STS: variants seen among roughly 807,000 people sequenced by gnomAD.
STS encodes the protein steryl-sulfatase.
In STS, 7 loss-of-function variants were observed where a neutral mutation model predicts 26.8. The ratio of observed to expected loss-of-function variants is 0.26; its 90% CI spans 0.15 to 0.49. The LOEUF is 0.49. STS is among the 20% of genes least tolerant of loss of function. The pLI is 0.98. For missense variants in STS, 434 were observed against 465.6 expected, an observed-to-expected ratio of 0.93 and a Z score of 0.63; for synonymous variants, 199 against 189.4, an observed-to-expected ratio of 1.05 and a Z score of -0.42.
rs753872705 is a variant in STS at position 7,329,895 on chromosome X, ATTG to A, written c.1242-4070_1242-4068del. ...GGTAGTCCGGAGGAACACAGGAAAG[ATTG>A]TTGTTGTTGTTGTTGTTGTTCTGTT... On this transcript the variant is annotated intron_variant, in intron 9 of 10. Transcript: ENST00000674429. Among the ~76,000 whole-genome samples, 7 of 111,463 alleles carry A rather than the reference ATTG, an allele frequency of 6.3e-5. 1 individual carries two copies. In the East Asian group the frequency reaches 1.1e-3, roughly 18 times the overall value.
In STS at chrX:7,349,984, G is replaced by A; in HGVS notation, c.1460G>A (p.Ser487Asn). The change falls in exon 11 of 11, where the codon AGT becomes AAT. Residue 487 changes from serine (S) to asparagine (N), a missense_variant. Coordinates refer to ENST00000674429, the MANE Select transcript of STS (RefSeq NM_001320752.2). ...FATHVCFCFG[S>N]YVTHHDPPLL... ...ACACACGTGTGCTTCTGTTTCGGGA[G>A]TTATGTCACCCATCACGACCCACCT... The A allele has an allele frequency of 2.5e-6, 3 of 1,211,685 alleles. No homozygotes were observed. Among genetic ancestry groups the A allele is most frequent in the Non-Finnish European group, 3.4e-6 (3 of 895,436 alleles).
At chrX:7,249,029 A>G (rs903111377) in intron 2 of STS, among the ~76,000 whole-genome samples, 6 of 111,030 alleles carry the variant, frequency 5.4e-5, no homozygotes, top group African/African-American at 1.6e-4. Flanking sequence ...ACAGACATGT[A>G]TGTCTTCGGG....
At chrX:7,168,222 C>T (rs6638661) in intron 1 of STS, among the ~76,000 whole-genome samples, 295 of 110,730 alleles carry the variant, frequency 2.7e-3, no homozygotes, top group African/African-American at 9.1e-3. Flanking sequence ...CCACGAGTGC[C>T]TTTGTGTGAG....
In STS at chrX:7,257,461, T is replaced by G. The variant is rs373468747; in HGVS notation, c.260-5T>G. 9.9e-6 allele frequency: 12 copies of G among 1,211,055 alleles called. No individual in the cohort carries two copies. Among genetic ancestry groups the G allele is most frequent in the African/African-American group, 3.5e-5 (2 of 57,527 alleles). On this transcript the variant is annotated splice_polypyrimidine_tract_variant and splice_region_variant and intron_variant, in intron 4 of 10. Transcript: ENST00000674429. The stretch of plus-strand genomic sequence containing the variant: ...TTCCTAAGGGTTGATTTTTTCCTGG[T>G]CCAGGAATGGCATCTTGGTCCCGCA...
At chrX:7,325,860 C>T (rs184085389) in intron 9 of STS, among the ~76,000 whole-genome samples, 70 of 112,232 alleles carry the variant, frequency 6.2e-4, no homozygotes, top group African/African-American at 2.1e-3. Flanking sequence ...GCTTCTTGGC[C>T]TCTCTGAGCA....
chrX:7,154,689 A>T (rs1385160110), intron 1 of STS, among the ~76,000 whole-genome samples: 1 of 111,996 alleles, frequency 8.9e-6, no homozygotes. Context: ...CTATCTATTA[A>T]TATGTTTCCT....
intron 1 of STS, among the ~76,000 whole-genome samples, chrX:7,176,806 C>A (rs570624441): frequency 3.6e-5 from 4 of 111,275 alleles, no homozygotes; most frequent in Middle Eastern, 9.2e-3. Context: ...AGGTTACTCC[C>A]ACAACATGAA....
intron 2 of STS, among the ~76,000 whole-genome samples, chrX:7,214,972 G>A (rs1156801550): frequency 6.4e-5 from 4 of 62,759 alleles, no homozygotes; most frequent in South Asian, 6.4e-4. Flanking sequence ...TATTATATAT[G>A]TATATATACA....
At chrX:7,324,930 CCCAGGCT>C (rs1233965493) in intron 8 of STS, among the ~76,000 whole-genome samples, 1 of 111,534 alleles carries the variant, frequency 9.0e-6, no homozygotes, top group Non-Finnish European at 1.9e-5. Flanking sequence ...TACCCATTTC[CCCAGGCT>C]CCAGGCTCCA....
intron 1 of STS, among the ~76,000 whole-genome samples, chrX:7,151,822 G>A (rs760920500): frequency 2.1e-4 from 23 of 111,696 alleles, no homozygotes; most frequent in African/African-American, 7.5e-4. Flanking sequence ...GCCACCCCCA[G>A]ACTGACCAAC....
chrX:7,211,448 T>C (rs1921028026), intron 2 of STS, among the ~76,000 whole-genome samples: 1 of 111,711 alleles, frequency 9.0e-6, no homozygotes, highest in Non-Finnish European at 1.9e-5. Context: ...CCACTAGTAA[T>C]TTCTAGGTCT....
At chrX:7,287,433 G>A (rs2147119778) in intron 7 of STS, among the ~76,000 whole-genome samples, 2 of 110,737 alleles carry the variant, frequency 1.8e-5, no homozygotes, top group South Asian at 7.7e-4. Flanking sequence ...ATAGTTTGCT[G>A]GATAGATTTA....
In STS at chrX:7,233,097, T is replaced by C. The variant is rs778608597; in HGVS notation, c.-4-20099T>C. 4.5e-3 allele frequency among the ~76,000 whole-genome samples: 427 copies of C among 95,615 alleles called. 3 individuals carry two copies. Among genetic ancestry groups the C allele is most frequent in the African/African-American group, 0.016 (411 of 26,469 alleles). 83.0% of individuals were successfully genotyped at this position (95,615 alleles called of 115,157 possible). A position where few individuals can be genotyped will look rare whatever the true frequency, so the allele number is the denominator to read the frequency against. ...CTCAGATATTTCTTTTTTTCTTTTT[T>C]TTTTTTTTTTTTTTGAGATGGAGTC... On this transcript the variant is annotated intron_variant, in intron 2 of 10. Coordinates refer to ENST00000674429, the MANE Select transcript of STS (RefSeq NM_001320752.2).
At chrX:7,163,056 CAAAAAAAAAAAA>C (rs60006129) in intron 1 of STS, among the ~76,000 whole-genome samples, 8 of 74,959 alleles carry the variant, frequency 1.1e-4, no homozygotes, top group African/African-American at 3.1e-4. Context: ...GACTCCGTCT[CAAAAAAAAAAAA>C]AAAAAAAAAT....
intron 10 of STS, among the ~76,000 whole-genome samples, chrX:7,343,035 G>C (rs1407212746): frequency 9.0e-6 from 1 of 110,948 alleles, no homozygotes; most frequent in East Asian, 2.8e-4. Context: ...TTCTTTGTGT[G>C]GGGGTTCCTC....
At chrX:7,326,736 C>T (rs1927494238) in intron 9 of STS, among the ~76,000 whole-genome samples, 3 of 111,878 alleles carry the variant, frequency 2.7e-5, no homozygotes, top group South Asian at 3.7e-4. Context: ...GTCACGCAGG[C>T]GGCTGCAAAT....
At chrX:7,160,878 A>G (rs976784166) in intron 1 of STS, among the ~76,000 whole-genome samples, 21 of 112,294 alleles carry the variant, frequency 1.9e-4, no homozygotes, top group African/African-American at 5.5e-4. Flanking sequence ...AAGAACATAC[A>G]TGCCTACTTC....
intron 2 of STS, among the ~76,000 whole-genome samples, chrX:7,221,109 T>A (rs745890174): frequency 6.2e-5 from 7 of 112,542 alleles, no homozygotes; most frequent in East Asian, 2.8e-4. Flanking sequence ...TTGTCTAAAG[T>A]CTTCTTCGTA....
At chrX:7,181,177 T>C (rs1408518703) in intron 1 of STS, among the ~76,000 whole-genome samples, 1 of 112,621 alleles carries the variant, frequency 8.9e-6, no homozygotes, top group African/African-American at 3.2e-5. Context: ...GTGTCATTTT[T>C]CAATGGAATT....
Sources: allele counts gnomAD v4.1 joint callset (sites outside exome capture counted in the v4.1 genomes callset), GRCh38; gene constraint gnomAD v4.1.1; transcripts MANE v1.5; gene names NCBI Gene and HGNC (gene_info 2026-07-23, HGNC 2026-07-21).